TCF20: variants seen among roughly 807,000 people sequenced by gnomAD.
The protein encoded by TCF20 is transcription factor 20, also known as SPRE-binding protein.
In TCF20, 3 loss-of-function variants were observed where a neutral mutation model predicts 148.6. The ratio of observed to expected loss-of-function variants is 0.02; its 90% CI spans 0.01 to 0.05. The LOEUF (loss-of-function observed/expected upper bound fraction) is 0.05. TCF20 is among the 10% of genes least tolerant of loss of function. The pLI, the probability that TCF20 is intolerant of heterozygous loss-of-function variation, is 1.00. For synonymous variants in TCF20, 1,049 were observed against 909.5 expected (o/e 1.15, Z -2.76); for missense variants, 2,350 against 2,429.3 (o/e 0.97, Z 0.69).
At chr22:42,200,641 C>CA (rs34605295) in intron 2 of TCF20, among the ~76,000 whole-genome samples, 41,989 of 96,304 alleles carry the variant, frequency 0.44, 9,557 homozygotes, top group African/African-American at 0.55. Flanking sequence ...GACTTCGTCT[C>CA]AAAAAAAAAA....
chr22:42,337,459 T>C (rs554633301), intron 1 of TCF20, among the ~76,000 whole-genome samples: 12 of 152,298 alleles, frequency 7.9e-5, no homozygotes, highest in Middle Eastern at 3.4e-3. Flanking sequence ...CAATGCTTGG[T>C]GTCCCCCTCA....
chr22:42,271,189 C>T (rs1926605421), upstream of TCF20, among the ~76,000 whole-genome samples: 1 of 152,204 alleles, frequency 6.6e-6, no homozygotes, highest in South Asian at 2.1e-4. Flanking sequence ...CGCCTGGGTC[C>T]CTGGCAGCCC....
At chr22:42,255,406 T>A (rs1235585398) in intron 1 of TCF20, among the ~76,000 whole-genome samples, 1 of 151,892 alleles carries the variant, frequency 6.6e-6, no homozygotes, top group Non-Finnish European at 1.5e-5. Context: ...GGGGCATCAC[T>A]TGAACCCGGG....
chr22:42,182,657 TA>T (rs2147102986), intron 2 of TCF20, among the ~76,000 whole-genome samples: 1 of 152,368 alleles, frequency 6.6e-6, no homozygotes, highest in East Asian at 1.9e-4. Context: ...AAAGACAGTT[TA>T]GTTCAGTGGT....
rs372531692 is a variant in TCF20 at position 42,256,354 on chromosome 22, TTTTC to T, written c.-37+13981_-37+13984del. Reference sequence around the variant, plus strand: ...CTTAGCAAACTTGGCTGAACAGAAATTTTCTTTTTTCTTTTATTTTCTCTGATGT... The same window carrying T: ...CTTAGCAAACTTGGCTGAACAGAAATTTTTTTCTTTTATTTTCTCTGATGT... On this transcript the variant is annotated intron_variant, in intron 1 of 5. Transcript: ENST00000677622. Among the ~76,000 whole-genome samples, 143 of 152,334 alleles carry T rather than the reference TTTTC, an allele frequency of 9.4e-4. 4 individuals carry two copies. In the South Asian group the frequency reaches 0.027, roughly 28 times the overall value.
At chr22:42,252,231 G>A (rs1005413259) in intron 1 of TCF20, among the ~76,000 whole-genome samples, 4 of 150,060 alleles carry the variant, frequency 2.7e-5, no homozygotes, top group African/African-American at 9.8e-5. Flanking sequence ...AGGTTGCAGT[G>A]AGCCGAGCAC....
At chr22:42,301,168 G>A (rs534119153) in intron 1 of TCF20, among the ~76,000 whole-genome samples, 4 of 152,246 alleles carry the variant, frequency 2.6e-5, no homozygotes, top group African/African-American at 9.6e-5. Flanking sequence ...CAGAAATGCG[G>A]AAGTTTATCT....
intron 1 of TCF20, among the ~76,000 whole-genome samples, chr22:42,251,537 CTG>C (rs1290821424): frequency 8.5e-6 from 1 of 117,434 alleles, no homozygotes; most frequent in Non-Finnish European, 1.6e-5. Flanking sequence ...GAATCTCACT[CTG>C]TCACCCAGGT....
chr22:42,236,367 T>C (rs984250676), intron 1 of TCF20, among the ~76,000 whole-genome samples: 2 of 152,210 alleles, frequency 1.3e-5, no homozygotes, highest in African/African-American at 4.8e-5. Flanking sequence ...CCCTGGGATC[T>C]ACAGTCCATT....
At chr22:42,288,876 G>C (rs1187894781), upstream of TCF20, among the ~76,000 whole-genome samples, 1 of 152,222 alleles carries the variant, frequency 6.6e-6, no homozygotes, top group East Asian at 1.9e-4. Context: ...CCCAAGGGCA[G>C]TGCAGGCCTG....
chr22:42,247,642 A>G (rs573073451), intron 1 of TCF20, among the ~76,000 whole-genome samples: 13 of 152,128 alleles, frequency 8.5e-5, no homozygotes, highest in Non-Finnish European at 1.9e-4. Flanking sequence ...AACTCAGTAC[A>G]CAAATGAAAA....
chr22:42,209,571 C>T lies in TCF20; in HGVS notation c.5655+80G>A, dbSNP rs575467204. ...TTAATTTGGAGGAATAATCATGTGA[C>T]ATGTAAGAACAAAAACATGCAAGAA... On this transcript the variant is annotated intron_variant, in intron 2 of 5. Coordinates refer to ENST00000677622, the MANE Select transcript of TCF20 (RefSeq NM_001378418.1). 3.4e-5 allele frequency: 50 copies of T among 1,461,836 alleles called. No homozygotes were observed. The East Asian group carries it at 1.1e-3, about 32-fold the overall frequency. The allele number at this position is 1,461,836 out of a possible 1,614,324, so 90.6% of individuals were successfully genotyped here.
intron 1 of TCF20, among the ~76,000 whole-genome samples, chr22:42,330,378 C>G (rs1370728601): frequency 6.6e-6 from 1 of 152,194 alleles, no homozygotes; most frequent in Non-Finnish European, 1.5e-5. Flanking sequence ...CCAAACACCT[C>G]GCTCCTTCCC....
intron 1 of TCF20, among the ~76,000 whole-genome samples, chr22:42,218,902 A>T (rs1321961704): frequency 2.6e-5 from 4 of 152,140 alleles, no homozygotes; most frequent in Non-Finnish European, 5.9e-5. Flanking sequence ...GAAAAAGAAA[A>T]AAAAAAAATC....
At chr22:42,282,315 C>T (rs1382612305) in intron 1 of TCF20, among the ~76,000 whole-genome samples, 2 of 152,262 alleles carry the variant, frequency 1.3e-5, no homozygotes, top group East Asian at 3.8e-4. Context: ...TGACCACCTG[C>T]GCCCATGTCA....
chr22:42,259,394 C>T (rs189383149), intron 1 of TCF20, among the ~76,000 whole-genome samples: 1 of 152,276 alleles, frequency 6.6e-6, no homozygotes, highest in East Asian at 1.9e-4. Context: ...TACATACTTA[C>T]ATTATTAATC....
intron 1 of TCF20, among the ~76,000 whole-genome samples, chr22:42,239,059 A>C (rs1003771856): frequency 2.0e-5 from 3 of 152,110 alleles, no homozygotes; most frequent in African/African-American, 7.2e-5. Context: ...CAGAGCTTGC[A>C]GTGAGCCGAA....
At chr22:42,326,636 C>A (rs1927880191) in intron 1 of TCF20, among the ~76,000 whole-genome samples, 1 of 152,216 alleles carries the variant, frequency 6.6e-6, no homozygotes, top group South Asian at 2.1e-4. Context: ...CAGGCTCAGC[C>A]CTGCCGTTTA....
At chr22:42,285,918 G>A (rs1165465098), upstream of TCF20, among the ~76,000 whole-genome samples, 1 of 152,158 alleles carries the variant, frequency 6.6e-6, no homozygotes, top group African/African-American at 2.4e-5. The surrounding 1 kb of genome is among the most constrained non-coding windows in gnomAD (Gnocchi z 4.2). Flanking sequence ...CCAAGTCCAA[G>A]TCAAATGCCA....
Sources: gnomAD v4.1 joint callset for allele counts (sites outside exome capture counted in the v4.1 genomes callset) on GRCh38, gnomAD v4.1.1 for gene constraint, Gnocchi (gnomAD v3.1) non-coding constraint, MANE v1.5 for transcripts, NCBI Gene and HGNC (gene_info 2026-07-23, HGNC 2026-07-21) for gene names.